Variants in CCDC141 observed in about 807,000 individuals in gnomAD.
The protein encoded by CCDC141 is coiled-coil domain containing 141, also known as coiled-coil domain-containing protein 141.
A neutral mutation model predicts 181.0 loss-of-function variants in CCDC141; 168 were observed. The observed-to-expected ratio is 0.93, with a 90% confidence interval of 0.82 to 1.05. CCDC141 has a LOEUF of 1.05. Among genes scored for constraint, CCDC141 ranks in the 50% least tolerant of loss-of-function variants. The pLI, the probability that CCDC141 is intolerant of heterozygous loss-of-function variation, is 0.00. For synonymous variants in CCDC141, 666 were observed against 642.3 expected, an observed-to-expected ratio of 1.04 and a Z score of -0.56; for missense variants, 1,902 against 1,788.5, an observed-to-expected ratio of 1.06 and a Z score of -1.14.
chr2:178,899,654 G>A (rs2154372215), intron 8 of CCDC141, among the ~76,000 whole-genome samples: 1 of 151,918 alleles, frequency 6.6e-6, no homozygotes, highest in East Asian at 1.9e-4. Flanking sequence ...TCTGGTAATA[G>A]GAACCTTAAT....
chr2:178,832,118 G>T lies in CCDC141; in HGVS notation c.*2055C>A, dbSNP rs1020978365. 7.9e-5 allele frequency: 12 copies of T among 152,200 alleles called. No individual in the cohort carries two copies. Among genetic ancestry groups the T allele is most frequent in the African/African-American group, 2.9e-4 (12 of 41,546 alleles). The allele number at this position is 152,200 out of a possible 1,614,324, so 9.4% of individuals were successfully genotyped here. On this transcript the variant is annotated 3_prime_UTR_variant, in exon 24 of 24. Transcript: ENST00000443758. ...GGGAAGAGAGACAGTTTGTTACCGGGTCTCACCTGCCTTCTTTGTTCATGA... is the reference window on the plus strand; with the variant it reads ...GGGAAGAGAGACAGTTTGTTACCGGTTCTCACCTGCCTTCTTTGTTCATGA...
chr2:178,874,711 G>A (rs915760790), intron 12 of CCDC141: 37 of 152,212 alleles, frequency 2.4e-4, no homozygotes, highest in African/African-American at 8.7e-4. Flanking sequence ...AACCTGACAG[G>A]GGTGAGCTCA....
At chr2:178,984,438 A>C (rs893164155) in intron 2 of CCDC141, among the ~76,000 whole-genome samples, 1 of 152,094 alleles carries the variant, frequency 6.6e-6, no homozygotes, top group African/African-American at 2.4e-5. Context: ...TAACATCATA[A>C]TGACAGGATC....
At chr2:178,917,790 G>A (rs1688517753) in intron 7 of CCDC141, among the ~76,000 whole-genome samples, 1 of 152,200 alleles carries the variant, frequency 6.6e-6, no homozygotes, top group Admixed American at 6.5e-5. Flanking sequence ...TCAGAGAGGA[G>A]AAGCAGAGCA....
rs1203716032 is a variant in CCDC141, at chr2:178,912,260, A to G, written c.1092+6453T>C. 4.2e-4 allele frequency among the ~76,000 whole-genome samples: 64 copies of G among 152,196 alleles called. 1 individual carries two copies. The highest frequency in any genetic ancestry group is 4.2e-3 in the Admixed American group (64 of 15,278). Reference sequence around the variant, plus strand: ...TGCTTACTGCCAACAGAGAGATGCAACAATCTGATACTGCACATAGAAGAG... The same window carrying G: ...TGCTTACTGCCAACAGAGAGATGCAGCAATCTGATACTGCACATAGAAGAG... On this transcript the variant is annotated intron_variant, in intron 7 of 23. Transcript: ENST00000443758.
intron 2 of CCDC141, among the ~76,000 whole-genome samples, chr2:178,985,643 C>T (rs1407415019): frequency 1.1e-3 from 172 of 151,818 alleles, no homozygotes; most frequent in Non-Finnish European, 9.9e-4. Flanking sequence ...ATATCACCAC[C>T]GATCCCACAG....
At chr2:178,916,830 G>T (rs1488497874) in intron 7 of CCDC141, among the ~76,000 whole-genome samples, 1 of 152,048 alleles carries the variant, frequency 6.6e-6, no homozygotes, top group East Asian at 1.9e-4. Flanking sequence ...ATAAAATGGG[G>T]AATCTAGAAA....
At chr2:178,991,274 A>G (rs891714480) in intron 2 of CCDC141, among the ~76,000 whole-genome samples, 3 of 152,216 alleles carry the variant, frequency 2.0e-5, no homozygotes, top group Admixed American at 2.0e-4. Context: ...TATGCCCTGA[A>G]TTGCAGTACT....
chr2:178,949,998 T>G (rs1353022634), intron 5 of CCDC141, among the ~76,000 whole-genome samples: 3 of 152,232 alleles, frequency 2.0e-5, no homozygotes, highest in Non-Finnish European at 1.5e-5. Flanking sequence ...TATCTTTATT[T>G]AAAATATGCT....
intron 13 of CCDC141, 102 bp from the exon 14 acceptor site, chr2:178,871,654 C>A: frequency 7.6e-7 from 1 of 1,307,892 alleles, no homozygotes; most frequent in South Asian, 1.5e-5. Flanking sequence ...TTTTTCAAAC[C>A]CCATGAAAAC....
intron 7 of CCDC141, among the ~76,000 whole-genome samples, chr2:178,914,616 C>T (rs1409645416): frequency 6.6e-6 from 1 of 152,192 alleles, no homozygotes. Context: ...AGTGGGGGAA[C>T]TGTTGTCAAT....
chr2:178,921,824 C>T (rs540517477), intron 6 of CCDC141, among the ~76,000 whole-genome samples: 32 of 152,332 alleles, frequency 2.1e-4, no homozygotes, highest in Non-Finnish European at 3.5e-4. Context: ...CCCTGTTCTC[C>T]AGCTCCTCTG....
intron 8 of CCDC141, among the ~76,000 whole-genome samples, chr2:178,889,230 C>A (rs1188929161): frequency 6.6e-6 from 1 of 152,006 alleles, no homozygotes; most frequent in Non-Finnish European, 1.5e-5. Context: ...AGAAGCCATG[C>A]CTCACATTAT....
At chr2:179,039,808 C>T (rs1015741690) in intron 2 of CCDC141, among the ~76,000 whole-genome samples, 4 of 152,136 alleles carry the variant, frequency 2.6e-5, no homozygotes, top group Non-Finnish European at 5.9e-5. Flanking sequence ...TAAGTTTGTG[C>T]CTATCTTGAC....
chr2:178,824,896 T>C (rs1002437588), downstream of CCDC141, among the ~76,000 whole-genome samples: 1 of 152,196 alleles, frequency 6.6e-6, no homozygotes, highest in Admixed American at 6.5e-5. Flanking sequence ...TATACTACTA[T>C]ATTTACAAGG....
chr2:179,024,462 A>G (rs1296864020), intron 2 of CCDC141, among the ~76,000 whole-genome samples: 1 of 152,200 alleles, frequency 6.6e-6, no homozygotes, highest in Admixed American at 6.5e-5. Flanking sequence ...GCATGGTGCT[A>G]GGCTCTATGG....
chr2:179,045,604 T>C (rs933041961), intron 2 of CCDC141, among the ~76,000 whole-genome samples: 2 of 151,654 alleles, frequency 1.3e-5, no homozygotes, highest in African/African-American at 4.8e-5. Flanking sequence ...TCCACAATGG[T>C]TGAACTAGTT....
At position 178,830,147 on chromosome 2, in the gene CCDC141, T is replaced by A. The variant is rs917965445; in HGVS notation, c.*4026A>T. The A allele has an allele frequency of 6.6e-6, 1 of 152,234 alleles. No individual in the cohort carries two copies. Among genetic ancestry groups the A allele is most frequent in the Non-Finnish European group, 1.5e-5 (1 of 68,044 alleles). The allele number at this position is 152,234 out of a possible 1,614,324, so 9.4% of individuals were successfully genotyped here. On this transcript the variant is annotated 3_prime_UTR_variant, in exon 24 of 24. Coordinates refer to ENST00000443758, the MANE Select transcript of CCDC141 (RefSeq NM_173648.4). ...GTCATAGAGAGTGGAGGCATCCAGT[T>A]CCTCATACCGGATGATGATTTATGC...
intron 10 of CCDC141, among the ~76,000 whole-genome samples, chr2:178,885,788 C>A (rs986629397): frequency 6.6e-6 from 1 of 152,094 alleles, no homozygotes; most frequent in African/African-American, 2.4e-5. Context: ...AACCTAAAAA[C>A]CAAGCAAAAT....
Sources: allele counts gnomAD v4.1 joint callset (sites outside exome capture counted in the v4.1 genomes callset), GRCh38; gene constraint gnomAD v4.1.1; transcripts MANE v1.5; gene names NCBI Gene and HGNC (gene_info 2026-07-23, HGNC 2026-07-21).